The following UBASH3B variants were observed in gnomAD, a reference collection of about 807,000 sequenced individuals.
UBASH3B encodes the protein ubiquitin associated and SH3 domain containing B.
Under a neutral mutation model 83.4 loss-of-function variants are expected in UBASH3B, and 37 were observed. The observed-to-expected ratio is 0.44, with a 90% CI of 0.34 to 0.58. The LOEUF is 0.58. Among genes scored for constraint, UBASH3B ranks in the 20% least tolerant of loss-of-function variants. The pLI is 0.01. For missense variants in UBASH3B, 657 were observed against 827.2 expected, an observed-to-expected ratio of 0.79 and a Z score of 2.52; for synonymous variants, 304 against 318.3, an observed-to-expected ratio of 0.96 and a Z score of 0.48.
intron 1 of UBASH3B, 76 bp from the exon 2 acceptor site, chr11:122,776,143 T>C: frequency 7.1e-7 from 1 of 1,402,786 alleles, no homozygotes; most frequent in Non-Finnish European, 9.9e-7. Context: ...TGTCGCCTCC[T>C]TCACACTCAG....
At chr11:122,771,443 G>A (rs1860640988) in intron 1 of UBASH3B, among the ~76,000 whole-genome samples, 1 of 152,262 alleles carries the variant, frequency 6.6e-6, no homozygotes, top group South Asian at 2.1e-4. Flanking sequence ...GTTTCACCAT[G>A]TTGGTCAGGC....
chr11:122,727,305 A>G (rs1027929484), intron 1 of UBASH3B, among the ~76,000 whole-genome samples: 1 of 152,188 alleles, frequency 6.6e-6, no homozygotes, highest in East Asian at 1.9e-4. Flanking sequence ...GCAGCGAGCC[A>G]GTGTTGGCTG....
At chr11:122,748,808 G>A (rs1049956670) in intron 1 of UBASH3B, among the ~76,000 whole-genome samples, 7 of 152,196 alleles carry the variant, frequency 4.6e-5, no homozygotes. Context: ...TCTTGCACAC[G>A]CTTGTGCTTA....
chr11:122,782,376 A>AT (rs1479912857), intron 4 of UBASH3B: 1 of 152,070 alleles, frequency 6.6e-6, no homozygotes, highest in Non-Finnish European at 1.5e-5. Flanking sequence ...ACTAAGGGTG[A>AT]TTTTGTCTCC....
At chr11:122,756,069 A>G (rs1212189374) in intron 1 of UBASH3B, among the ~76,000 whole-genome samples, 1 of 129,604 alleles carries the variant, frequency 7.7e-6, no homozygotes, top group Non-Finnish European at 1.8e-5. Context: ...CGATTTAGGC[A>G]TAAGCATTAA....
chr11:122,686,957 T>A (rs145806663), intron 1 of UBASH3B, among the ~76,000 whole-genome samples: 1,750 of 152,090 alleles, frequency 0.012, 37 homozygotes, highest in African/African-American at 0.04. Context: ...AACTTCCACC[T>A]CCCAGGTTCA....
intron 1 of UBASH3B, among the ~76,000 whole-genome samples, chr11:122,680,691 G>A (rs1201942841): frequency 6.6e-6 from 1 of 152,084 alleles, no homozygotes; most frequent in Non-Finnish European, 1.5e-5. Flanking sequence ...TTGAACTCCC[G>A]ACCTCAAGTG....
chr11:122,767,067 C>G (rs886534310), intron 1 of UBASH3B, among the ~76,000 whole-genome samples: 2 of 152,104 alleles, frequency 1.3e-5, no homozygotes, highest in Non-Finnish European at 2.9e-5. Flanking sequence ...ATCACGAGGT[C>G]ACGAGATCGA....
Position 122,759,366 on chromosome 11 carries a change from G to A in UBASH3B, c.162-16853G>A, listed in dbSNP as rs939538185. On this transcript the variant is annotated intron_variant, in intron 1 of 13. Coordinates refer to ENST00000284273, the MANE Select transcript of UBASH3B (RefSeq NM_032873.5). The surrounding 1 kb of genome is among the most constrained non-coding windows in gnomAD (Gnocchi z 4.1). The stretch of plus-strand genomic sequence containing the variant: ...CCCAATCTTTTTGGCACCAGGAACC[G>A]GTTTTGTGGAAGACAGTTTTTCCAC... Among the ~76,000 whole-genome samples the A allele has an allele frequency of 6.6e-6, 1 of 152,170 alleles. No individual in the cohort carries two copies. The highest frequency in any genetic ancestry group is 2.4e-5 in the African/African-American group (1 of 41,442).
At chr11:122,703,335 G>A (rs1168049303) in intron 1 of UBASH3B, among the ~76,000 whole-genome samples, 1 of 152,052 alleles carries the variant, frequency 6.6e-6, no homozygotes, top group Non-Finnish European at 1.5e-5. Flanking sequence ...GCTGAGGCAG[G>A]AGAATCGCTT....
At chr11:122,764,346 C>T (rs1307797777) in intron 1 of UBASH3B, among the ~76,000 whole-genome samples, 1 of 152,204 alleles carries the variant, frequency 6.6e-6, no homozygotes, top group Non-Finnish European at 1.5e-5. Context: ...ACATCTTTCT[C>T]GATCTCCCTG....
chr11:122,745,734 T>C (rs1277226841), intron 1 of UBASH3B, among the ~76,000 whole-genome samples: 1 of 152,192 alleles, frequency 6.6e-6, no homozygotes, highest in African/African-American at 2.4e-5. Context: ...CCTTGTGACT[T>C]CTTGGGTCCC....
In UBASH3B at chr11:122,796,188, G is replaced by A. The variant is rs746741978; in HGVS notation, c.1146G>A (p.Gln382=). 1 of 1,614,144 alleles carries A rather than the reference G, an allele frequency of 6.2e-7. No individual in the cohort carries two copies. The highest frequency in any genetic ancestry group is 1.7e-5 in the Admixed American group (1 of 60,018). ...PLRVNSQPGP[Q]KRCLFVCRHG... is the part of the protein sequence containing the mutation. ...GGGTCAACAGCCAGCCCGGCCCCCA[G>A]AAGCGATGCCTTTTTGTGTGTCGGC... Residue 382 remains glutamine (Q), a synonymous_variant, in exon 8 of 14, where the codon CAG becomes CAA. Coordinates refer to ENST00000284273, the MANE Select transcript of UBASH3B (RefSeq NM_032873.5).
intron 1 of UBASH3B, among the ~76,000 whole-genome samples, chr11:122,744,873 C>CTGTGTG (rs544992534): frequency 0.028 from 3,881 of 139,466 alleles, 70 homozygotes; most frequent in African/African-American, 0.047. Flanking sequence ...ATGTGTGACT[C>CTGTGTG]TGTGTGTGTG....
intron 1 of UBASH3B, among the ~76,000 whole-genome samples, chr11:122,757,214 T>G (rs894113481): frequency 6.6e-6 from 1 of 152,208 alleles, no homozygotes; most frequent in East Asian, 1.9e-4. Context: ...CAAATTCATA[T>G]GCTGAAATCC....
chr11:122,708,919 C>G (rs1864158622), intron 1 of UBASH3B, among the ~76,000 whole-genome samples: 1 of 152,100 alleles, frequency 6.6e-6, no homozygotes, highest in African/African-American at 2.4e-5. Flanking sequence ...CATCACCTTC[C>G]CTTAATGCAG....
At chr11:122,808,273 T>G (rs1276519976) in intron 13 of UBASH3B, 97 bp downstream of exon 13, 2 of 971,996 alleles carry the variant, frequency 2.1e-6, no homozygotes, top group African/African-American at 1.6e-5. Flanking sequence ...CATGTGTTTA[T>G]GCTGAGCTGG....
rs1483392579 is a variant in UBASH3B, at chr11:122,779,614, G to A, written c.520G>A (p.Gly174Ser). Residue 174 changes from glycine (G) to serine (S), a missense_variant, in exon 4 of 14, where the codon GGC (glycine) becomes AGC (serine). This residue lies in a region of UBASH3B where 573 missense variants were observed against 739.0 expected (regional missense o/e 0.78). Coordinates refer to ENST00000284273, the MANE Select transcript of UBASH3B (RefSeq NM_032873.5). ...GCTCTATACGTCGTCCAACTTCATC[G>A]GCCTCTTTGTAAAGGAAGACAGTGC... Reference protein sequence around the residue: ...LELYTSSNFIGLFVKEDSAEV... With the variant: ...LELYTSSNFISLFVKEDSAEV... The A allele has an allele frequency of 4.3e-6, 7 of 1,613,994 alleles. No homozygotes were observed. The highest frequency in any genetic ancestry group is 5.1e-6 in the Non-Finnish European group (6 of 1,180,030).
chr11:122,793,801 T>G (rs1861101969), intron 6 of UBASH3B, among the ~76,000 whole-genome samples: 1 of 152,174 alleles, frequency 6.6e-6, no homozygotes, highest in Admixed American at 6.6e-5. Context: ...GAGAATGGTC[T>G]TCTCTGAAAT....
Sources: gnomAD v4.1 joint callset for allele counts (sites outside exome capture counted in the v4.1 genomes callset) on GRCh38, gnomAD v4.1.1 for gene constraint, gnomAD v4.1.1 regional missense constraint, Gnocchi (gnomAD v3.1) non-coding constraint, MANE v1.5 for transcripts, NCBI Gene and HGNC (gene_info 2026-07-23, HGNC 2026-07-21) for gene names.